Variants in DOCK11 observed in about 807,000 individuals in gnomAD.
The protein encoded by DOCK11 is dedicator of cytokinesis protein 11.
A neutral mutation model predicts 169.1 loss-of-function variants in DOCK11; 70 were observed. The ratio of observed to expected loss-of-function variants is 0.41; its 90% CI spans 0.34 to 0.51. DOCK11 has a LOEUF of 0.51. Ranked by LOEUF, DOCK11 falls within the 20% of genes least tolerant of loss-of-function variation. The pLI is 0.10. For missense variants in DOCK11, 1,166 were observed against 1,538.8 expected (o/e 0.76, Z 4.05); for synonymous variants, 529 against 541.3 (o/e 0.98, Z 0.32).
At chrX:118,498,135 C>G (rs2057550007) in intron 1 of DOCK11, among the ~76,000 whole-genome samples, 1 of 112,358 alleles carries the variant, frequency 8.9e-6, no homozygotes, top group African/African-American at 3.2e-5. Context: ...TTACTCATTA[C>G]TCTAGTATGT....
chrX:118,659,263 G>A (rs774019992), intron 44 of DOCK11, among the ~76,000 whole-genome samples: 28 of 110,992 alleles, frequency 2.5e-4, no homozygotes, highest in Non-Finnish European at 4.9e-4. Flanking sequence ...TTTCCATCTT[G>A]CTTTCCCTAG....
At chrX:118,649,216 A>G (rs2015889452) in intron 41 of DOCK11, 89 bp downstream of exon 41, 4 of 757,219 alleles carry the variant, frequency 5.3e-6, no homozygotes, top group South Asian at 8.3e-5. Context: ...ATCCAGTCCA[A>G]TACAATGTGG....
chrX:118,613,350 G>A (rs1446379645), intron 28 of DOCK11, among the ~76,000 whole-genome samples: 1 of 112,002 alleles, frequency 8.9e-6, no homozygotes, highest in Non-Finnish European at 1.9e-5. Context: ...AGGAGAGTAT[G>A]AGATGCAAGA....
chrX:118,632,634 C>T (rs1474033022), intron 35 of DOCK11: 1 of 110,786 alleles, frequency 9.0e-6, no homozygotes, highest in Non-Finnish European at 1.9e-5. Context: ...TCTTGAGGTC[C>T]TCTCTTGGCT....
intron 31 of DOCK11, among the ~76,000 whole-genome samples, chrX:118,621,219 A>C (rs1159119021): frequency 2.7e-5 from 3 of 112,537 alleles, no homozygotes; most frequent in Admixed American, 9.4e-5. Flanking sequence ...AGTTTTCTCC[A>C]TAAGAAGTTT....
intron 45 of DOCK11, among the ~76,000 whole-genome samples, chrX:118,665,863 T>C (rs2016327644): frequency 8.9e-6 from 1 of 112,478 alleles, no homozygotes; most frequent in Non-Finnish European, 1.9e-5. Context: ...TCCAAAAATG[T>C]ATTTCTGACT....
At chrX:118,571,696 G>C (rs753138403) in intron 10 of DOCK11, among the ~76,000 whole-genome samples, 3 of 111,719 alleles carry the variant, frequency 2.7e-5, no homozygotes, top group Non-Finnish European at 3.8e-5. Flanking sequence ...GACTGTCCTG[G>C]AACATATATT....
In DOCK11 at chrX:118,638,336, A is replaced by G. The variant is rs777351444; in HGVS notation, c.4001+209A>G. On this transcript the variant is annotated intron_variant, in intron 37 of 52. Coordinates refer to ENST00000276202, the MANE Select transcript of DOCK11 (RefSeq NM_144658.4). ...AGGAGTGATGATTAAAGTGATATAC[A>G]GAGTTTCTACCTTGTGAGATGCTTA... Among the ~76,000 whole-genome samples, 10 of 112,282 alleles carry G rather than the reference A, an allele frequency of 8.9e-5. No homozygotes were observed. The South Asian group carries it at 3.6e-3, about 41-fold the overall frequency.
Position 118,585,136 on chromosome X carries a change from T to G in DOCK11, c.1795+19T>G. 5.2e-6 allele frequency: 6 copies of G among 1,149,632 alleles called. No individual in the cohort carries two copies. Among genetic ancestry groups the G allele is most frequent in the Non-Finnish European group, 7.1e-6 (6 of 840,386 alleles). The allele number at this position is 1,149,632 out of a possible 1,213,427, so 94.7% of individuals were successfully genotyped here. On this transcript the variant is annotated intron_variant, in intron 16 of 52. Coordinates refer to ENST00000276202, the MANE Select transcript of DOCK11 (RefSeq NM_144658.4). ...TTATCAAGTAAGAACATATTGCAAATAAACCTTAAGCATAATGTTTGAATG... is the reference window on the plus strand; with the variant it reads ...TTATCAAGTAAGAACATATTGCAAAGAAACCTTAAGCATAATGTTTGAATG...
At chrX:118,579,560 C>G (rs1302949653) in intron 13 of DOCK11, among the ~76,000 whole-genome samples, 2 of 111,907 alleles carry the variant, frequency 1.8e-5, no homozygotes, top group African/African-American at 6.5e-5. Flanking sequence ...CATTCTGTAT[C>G]CCTAGGGATA....
intron 45 of DOCK11, among the ~76,000 whole-genome samples, chrX:118,669,970 T>G (rs2016427896): frequency 9.0e-6 from 1 of 111,627 alleles, no homozygotes; most frequent in South Asian, 3.8e-4. Context: ...CCAGTCATAT[T>G]GGATTGGGGC....
intron 46 of DOCK11, 138 bp downstream of exon 46, chrX:118,671,283 A>AT (rs2016464432): frequency 1.6e-5 from 8 of 512,217 alleles, no homozygotes; most frequent in Non-Finnish European, 2.3e-5. Flanking sequence ...TGACTTTTGC[A>AT]TTTTATCATA....
intron 40 of DOCK11, among the ~76,000 whole-genome samples, chrX:118,647,139 ATGTGTGTGTG>A (rs200211345): frequency 0.014 from 1,228 of 85,491 alleles, 21 homozygotes; most frequent in African/African-American, 0.046. Context: ...TGAAGAGGAT[ATGTGTGTGTG>A]TGTGTGTGTG....
chrX:118,675,932 T>G lies in DOCK11; in HGVS notation c.5200-4T>G, dbSNP rs183795056. The G allele has an allele frequency of 3.1e-5, 34 of 1,096,481 alleles. No homozygotes were observed. The African/African-American group carries it at 5.1e-4, about 16-fold the overall frequency. 90.4% of individuals were successfully genotyped at this position (1,096,481 alleles called of 1,213,427 possible). A position where few individuals can be genotyped will look rare whatever the true frequency, so the allele number is the denominator to read the frequency against. On this transcript the variant is annotated splice_polypyrimidine_tract_variant and splice_region_variant and intron_variant, in intron 46 of 52. Coordinates refer to ENST00000276202, the MANE Select transcript of DOCK11 (RefSeq NM_144658.4). ...AAGCTGATTTGTATATTTTTATTTT[T>G]CAGAAACTTACTCAAGTTTATAGAA...
intron 1 of DOCK11, among the ~76,000 whole-genome samples, chrX:118,513,872 G>A (rs778725056): frequency 5.5e-4 from 62 of 111,736 alleles, no homozygotes; most frequent in African/African-American, 2.0e-3. Context: ...TTATGGGGGA[G>A]CAGCAGCATC....
intron 6 of DOCK11, among the ~76,000 whole-genome samples, chrX:118,554,037 A>G (rs1183170289): frequency 9.0e-6 from 1 of 111,649 alleles, no homozygotes; most frequent in Non-Finnish European, 1.9e-5. Flanking sequence ...AGGTCTTACT[A>G]TATTGCCCTG....
At chrX:118,663,619 A>G (rs897214042) in intron 45 of DOCK11, among the ~76,000 whole-genome samples, 1 of 107,642 alleles carries the variant, frequency 9.3e-6, no homozygotes, top group Non-Finnish European at 1.9e-5. Flanking sequence ...CCAGATTTTG[A>G]GAAACTTTCA....
chrX:118,635,120 T>G (rs1424707293), intron 35 of DOCK11, among the ~76,000 whole-genome samples: 2 of 112,274 alleles, frequency 1.8e-5, no homozygotes, highest in African/African-American at 6.5e-5. Flanking sequence ...ATTCGTGGTC[T>G]TATAAAACAA....
intron 31 of DOCK11, 137 bp downstream of exon 31, chrX:118,618,865 G>GTT: frequency 7.2e-5 from 32 of 447,296 alleles, no homozygotes; most frequent in South Asian, 1.3e-4. Flanking sequence ...ATCATAAGTT[G>GTT]TTTTTTTTTT....
Sources: gnomAD v4.1 joint callset for allele counts (sites outside exome capture counted in the v4.1 genomes callset) on GRCh38, gnomAD v4.1.1 for gene constraint, MANE v1.5 for transcripts, NCBI Gene and HGNC (gene_info 2026-07-23, HGNC 2026-07-21) for gene names.